Variants in CACNA2D2 observed in about 807,000 individuals in gnomAD.
The protein encoded by CACNA2D2 is voltage-dependent calcium channel subunit alpha-2/delta-2.
Under a neutral mutation model 166.4 loss-of-function variants are expected in CACNA2D2, and 48 were observed. The observed-to-expected ratio is 0.29, with a 90% CI of 0.23 to 0.37. The LOEUF is 0.37. Ranked by LOEUF, CACNA2D2 falls within the 10% of genes least tolerant of loss-of-function variation. CACNA2D2 has a pLI of 1.00. For synonymous variants in CACNA2D2, 561 were observed against 573.7 expected, an observed-to-expected ratio of 0.98 and a Z score of 0.32; for missense variants, 1,122 against 1,433.0, an observed-to-expected ratio of 0.78 and a Z score of 3.50.
At chr3:50,384,828 A>G (rs1280763017) in intron 5 of CACNA2D2, among the ~76,000 whole-genome samples, 1 of 152,152 alleles carries the variant, frequency 6.6e-6, no homozygotes, top group East Asian at 1.9e-4. Flanking sequence ...GACCAGGGAG[A>G]GGGCCCTAGC....
chr3:50,434,380 T>C lies in CACNA2D2; in HGVS notation c.338A>G (p.Gln113Arg). Residue 113 changes from glutamine (Q) to arginine (R), a missense_variant, in exon 3 of 38, where the codon CAG (glutamine) becomes CGG (arginine). Coordinates refer to ENST00000424201, the MANE Select transcript of CACNA2D2 (RefSeq NM_006030.4). The stretch of plus-strand genomic sequence containing the variant: ...CCCTGCCACCTTCTCCACCAACTTC[T>C]GAGGCTCATTCTCCTGTACCTCGAA... ...NLFEVQENEP[Q>R]KLVEKVAGDI... is the part of the protein sequence containing the mutation. 5.6e-6 allele frequency: 9 copies of C among 1,614,200 alleles called. No individual in the cohort carries two copies. The highest frequency in any genetic ancestry group is 6.8e-6 in the Non-Finnish European group (8 of 1,180,026).
intron 17 of CACNA2D2, 72 bp downstream of exon 17, chr3:50,377,395 C>G: frequency 1.6e-6 from 2 of 1,261,672 alleles, no homozygotes; most frequent in South Asian, 2.5e-5. Flanking sequence ...TAATACCCAT[C>G]AGTCTTCTCT....
At position 50,476,098 on chromosome 3, in the gene CACNA2D2, G is replaced by C; in HGVS notation, c.288+20C>G. On this transcript the variant is annotated intron_variant, in intron 2 of 37. Transcript: ENST00000424201. ...TTGGAAGAGGGTCCCTGAAGAGACA[G>C]CAAGTGGCACCGGGCTCACCTCACG... 1 of 1,574,332 alleles carries C rather than the reference G, an allele frequency of 6.4e-7. No homozygotes were observed. The highest frequency in any genetic ancestry group is 8.6e-7 in the Non-Finnish European group (1 of 1,156,398).
chr3:50,400,624 G>T (rs1170146682), intron 3 of CACNA2D2, among the ~76,000 whole-genome samples: 1 of 152,244 alleles, frequency 6.6e-6, no homozygotes, highest in African/African-American at 2.4e-5. Flanking sequence ...GGGCCGAGCA[G>T]GGTCCGTGAC....
intron 3 of CACNA2D2, among the ~76,000 whole-genome samples, chr3:50,396,566 C>T (rs1197292813): frequency 6.6e-6 from 1 of 152,096 alleles, no homozygotes; most frequent in Non-Finnish European, 1.5e-5. Context: ...TGGATGAGGC[C>T]CCCAATTCAT....
intron 1 of CACNA2D2, among the ~76,000 whole-genome samples, chr3:50,485,707 A>C (rs1441316521): frequency 2.6e-5 from 4 of 152,208 alleles, no homozygotes; most frequent in Non-Finnish European, 5.9e-5. Flanking sequence ...GGGTCGGGGG[A>C]GAACCCTTTC....
rs1236141814 is a variant in CACNA2D2, at chr3:50,434,124, C to T, written c.405+189G>A. 7.2e-5 allele frequency among the ~76,000 whole-genome samples: 11 copies of T among 152,320 alleles called. No homozygotes were observed. The East Asian group carries it at 2.1e-3, about 29-fold the overall frequency. On this transcript the variant is annotated intron_variant, in intron 3 of 37. Transcript: ENST00000424201. Reference sequence around the variant, plus strand: ...AGTCACCACCTCTCATGCAGCTACTCCAGATAGTATCATCCTGTTCCTGCC... The same window carrying T: ...AGTCACCACCTCTCATGCAGCTACTTCAGATAGTATCATCCTGTTCCTGCC...
chr3:50,448,939 C>T (rs540348849), intron 2 of CACNA2D2, among the ~76,000 whole-genome samples: 7 of 152,156 alleles, frequency 4.6e-5, no homozygotes, highest in South Asian at 2.1e-4. Context: ...GGGGGAGAGC[C>T]GCAGCGAAGC....
chr3:50,457,636 C>T (rs1346349160), intron 2 of CACNA2D2, among the ~76,000 whole-genome samples: 2 of 152,164 alleles, frequency 1.3e-5, no homozygotes, highest in Admixed American at 6.5e-5. Context: ...CCAGCTCTTG[C>T]CCCAACAACC....
chr3:50,430,898 G>C (rs945767845), intron 3 of CACNA2D2, among the ~76,000 whole-genome samples: 1 of 152,134 alleles, frequency 6.6e-6, no homozygotes, highest in African/African-American at 2.4e-5. Context: ...CCCAGACTTG[G>C]GGATGCTGGT....
intron 2 of CACNA2D2, among the ~76,000 whole-genome samples, chr3:50,455,838 A>T (rs1709337695): frequency 6.6e-6 from 1 of 152,216 alleles, no homozygotes; most frequent in Non-Finnish European, 1.5e-5. Context: ...AAATAGTTTA[A>T]TCTCCTTGAA....
At chr3:50,491,842 A>G (rs928046500) in intron 1 of CACNA2D2, among the ~76,000 whole-genome samples, 3 of 152,172 alleles carry the variant, frequency 2.0e-5, no homozygotes, top group African/African-American at 4.8e-5. Context: ...GGGGTACCCA[A>G]TCCAGAAGCA....
chr3:50,439,061 G>T (rs946897171), intron 2 of CACNA2D2, among the ~76,000 whole-genome samples: 4 of 152,238 alleles, frequency 2.6e-5, no homozygotes, highest in Non-Finnish European at 5.9e-5. Context: ...ACTGCGGTTT[G>T]AACTGGGTCG....
At chr3:50,476,293 CCACTCA>C in intron 1 of CACNA2D2, 94 bp from the exon 2 acceptor site, 2 of 890,238 alleles carry the variant, frequency 2.2e-6, no homozygotes, top group South Asian at 2.9e-5. Flanking sequence ...GGGCAACTAT[CCACTCA>C]CACCCCAATT....
chr3:50,414,831 C>G (rs1012564495), intron 3 of CACNA2D2, among the ~76,000 whole-genome samples: 4 of 152,362 alleles, frequency 2.6e-5, no homozygotes, highest in Middle Eastern at 3.4e-3. Context: ...AAGTCTGCGC[C>G]AGGCCGGCGG....
At chr3:50,372,223 T>C (rs1274784566) in intron 22 of CACNA2D2, among the ~76,000 whole-genome samples, 4 of 152,178 alleles carry the variant, frequency 2.6e-5, no homozygotes, top group African/African-American at 9.7e-5. Flanking sequence ...CCAGAACCCT[T>C]CCTTTCATAC....
chr3:50,366,371 A>G lies in CACNA2D2; in HGVS notation c.2638-33T>C, dbSNP rs1360787311. 6.2e-7 allele frequency: 1 copy of G among 1,608,184 alleles called. No homozygotes were observed. The highest frequency in any genetic ancestry group is 8.5e-7 in the Non-Finnish European group (1 of 1,174,932). On this transcript the variant is annotated intron_variant, in intron 30 of 37. Coordinates refer to ENST00000424201, the MANE Select transcript of CACNA2D2 (RefSeq NM_006030.4). The surrounding 1 kb of genome is among the most constrained non-coding windows in gnomAD (Gnocchi z 5.9). ...GAAGGGAATGGGGAGGAAAATGGAG[A>G]GGGGCTGGGCCCCGGACCTTCCACC...
At chr3:50,403,298 T>C (rs1157641973) in intron 3 of CACNA2D2, among the ~76,000 whole-genome samples, 1 of 151,760 alleles carries the variant, frequency 6.6e-6, no homozygotes, top group Non-Finnish European at 1.5e-5. Flanking sequence ...GCTCCTTCCC[T>C]TACCTCACTC....
intron 2 of CACNA2D2, among the ~76,000 whole-genome samples, chr3:50,471,133 C>A (rs574744420): frequency 6.6e-6 from 1 of 152,266 alleles, no homozygotes; most frequent in East Asian, 1.9e-4. Context: ...CACCGCTGGG[C>A]CTCAACAGGA....
Sources: allele counts gnomAD v4.1 joint callset (sites outside exome capture counted in the v4.1 genomes callset), GRCh38; gene constraint gnomAD v4.1.1; non-coding constraint Gnocchi (gnomAD v3.1); transcripts MANE v1.5; gene names NCBI Gene and HGNC (gene_info 2026-07-23, HGNC 2026-07-21).